Variants in CLEC16A observed in about 807,000 individuals in gnomAD.
The protein encoded by CLEC16A is C-type lectin domain containing 16A, also known as protein CLEC16A.
CLEC16A carries 51 observed loss-of-function variants against 109.5 expected under a neutral mutation model. The ratio of observed to expected loss-of-function variants is 0.47; its 90% CI spans 0.37 to 0.59. The LOEUF (loss-of-function observed/expected upper bound fraction) is 0.59, where lower values mean the gene tolerates loss of function less well. CLEC16A is among the 20% of genes least tolerant of loss of function. The pLI, the probability that CLEC16A is intolerant of heterozygous loss-of-function variation, is 0.00. For synonymous variants in CLEC16A, 673 were observed against 564.2 expected (o/e 1.19, Z -2.73); for missense variants, 1,339 against 1,394.0 (o/e 0.96, Z 0.63).
At chr16:11,113,377 A>G (rs574818037) in intron 19 of CLEC16A, among the ~76,000 whole-genome samples, 194 of 152,320 alleles carry the variant, frequency 1.3e-3, no homozygotes, top group African/African-American at 4.1e-3. Context: ...AAATCAGAGC[A>G]GTGTGTAGAA....
Position 11,178,951 on chromosome 16 carries a change from G to C in CLEC16A, c.*261G>C. 1 of 414,364 alleles carries C rather than the reference G, an allele frequency of 2.4e-6. No individual in the cohort carries two copies. The highest frequency in any genetic ancestry group is 3.8e-5 in the East Asian group (1 of 26,398). 25.7% of individuals were successfully genotyped at this position (414,364 alleles called of 1,614,324 possible). A position where few individuals can be genotyped will look rare whatever the true frequency, so the allele number is the denominator to read the frequency against. On this transcript the variant is annotated 3_prime_UTR_variant, in exon 24 of 24. Coordinates refer to ENST00000409790, the MANE Select transcript of CLEC16A (RefSeq NM_015226.3). The surrounding 1 kb of genome is among the most constrained non-coding windows in gnomAD (Gnocchi z 6.5). The stretch of plus-strand genomic sequence containing the variant: ...TGCAGATGACTGCACCGGCCACTCA[G>C]GGAGCTGCCTGGGCTCCGTGTCTCT...
intron 23 of CLEC16A, among the ~76,000 whole-genome samples, chr16:11,171,408 A>G (rs1016711677): frequency 1.3e-5 from 2 of 152,218 alleles, no homozygotes; most frequent in East Asian, 1.9e-4. Flanking sequence ...GACCCGAGCA[A>G]CTGTGCCCCA....
intron 14 of CLEC16A, chr16:11,041,290 A>G (rs896316016): frequency 6.6e-6 from 1 of 152,190 alleles, no homozygotes; most frequent in East Asian, 1.9e-4. Context: ...TCACAGTGGT[A>G]AGTAAGTAAT....
chr16:11,163,036 A>ATCTCTGGCTTGTCTG (rs2054780406), intron 22 of CLEC16A, among the ~76,000 whole-genome samples: 1 of 152,162 alleles, frequency 6.6e-6, no homozygotes, highest in Admixed American at 6.5e-5. Flanking sequence ...CTGTCGCACG[A>ATCTCTGGCTTGTCTG]TCTCTGGCTT....
chr16:10,977,479 G>A, intron 8 of CLEC16A, 80 bp downstream of exon 8: 2 of 1,259,336 alleles, frequency 1.6e-6, no homozygotes, highest in Non-Finnish European at 2.2e-6. Flanking sequence ...CTGGAATGGG[G>A]CTGAGCATTG....
intron 22 of CLEC16A, among the ~76,000 whole-genome samples, chr16:11,160,334 C>T (rs1001722120): frequency 3.9e-5 from 6 of 152,186 alleles, no homozygotes; most frequent in African/African-American, 7.2e-5. Flanking sequence ...TCTCGGGCCT[C>T]GCTCTTTCTG....
chr16:11,063,876 G>T (rs780185421), intron 19 of CLEC16A, among the ~76,000 whole-genome samples: 13 of 151,768 alleles, frequency 8.6e-5, no homozygotes, highest in Non-Finnish European at 1.3e-4. Context: ...GCAGCCACGT[G>T]TGCCACATCT....
At chr16:10,948,403 A>C (rs996935264) in intron 1 of CLEC16A, among the ~76,000 whole-genome samples, 1 of 152,206 alleles carries the variant, frequency 6.6e-6, no homozygotes, top group African/African-American at 2.4e-5. Flanking sequence ...TTAGTGATTT[A>C]GCTCAGGCAG....
At chr16:11,154,810 C>A (rs551421667) in intron 22 of CLEC16A, among the ~76,000 whole-genome samples, 10 of 152,162 alleles carry the variant, frequency 6.6e-5, no homozygotes, top group African/African-American at 2.4e-4. Flanking sequence ...GCCTATAATC[C>A]CAGCTACTTG....
intron 19 of CLEC16A, among the ~76,000 whole-genome samples, chr16:11,086,986 G>C (rs1016271737): frequency 1.4e-4 from 21 of 152,252 alleles, no homozygotes; most frequent in Non-Finnish European, 2.5e-4. Flanking sequence ...AACCAACCTT[G>C]TGATCACTTA....
intron 19 of CLEC16A, among the ~76,000 whole-genome samples, chr16:11,114,984 G>A (rs1341728042): frequency 1.3e-5 from 2 of 152,206 alleles, no homozygotes; most frequent in Non-Finnish European, 2.9e-5. Flanking sequence ...GGGCTTTGAT[G>A]TCTCAATTAC....
chr16:11,144,006 T>A (rs2053950699), intron 22 of CLEC16A, among the ~76,000 whole-genome samples: 1 of 152,188 alleles, frequency 6.6e-6, no homozygotes, highest in African/African-American at 2.4e-5. Flanking sequence ...CAGAACCCCA[T>A]AATTATCAAG....
At chr16:11,007,724 AC>A (rs2045116895) in intron 11 of CLEC16A, among the ~76,000 whole-genome samples, 1 of 152,028 alleles carries the variant, frequency 6.6e-6, no homozygotes, top group African/African-American at 2.4e-5. Flanking sequence ...TTTCTGTGGG[AC>A]CCGTTTCTCT....
In CLEC16A at chr16:11,126,029, C is replaced by T; in HGVS notation, c.2524C>T (p.Leu842Phe). 1 of 1,613,590 alleles carries T rather than the reference C, an allele frequency of 6.2e-7. No individual in the cohort carries two copies. The highest frequency in any genetic ancestry group is 1.1e-5 in the South Asian group (1 of 91,062). The change falls in exon 22 of 24, where the codon CTC becomes TTC. Residue 842 changes from leucine to phenylalanine, a missense_variant. Coordinates refer to ENST00000409790, the MANE Select transcript of CLEC16A (RefSeq NM_015226.3). ...CACCACTGAAGTCCTGGGGTTTGGACTCGGCTCCTCCACCTCCACTCAGCA... is the reference window on the plus strand; with the variant it reads ...CACCACTGAAGTCCTGGGGTTTGGATTCGGCTCCTCCACCTCCACTCAGCA... ...QPTTEVLGFG[L>F]GSSTSTQHLP...
At chr16:11,108,975 G>C (rs1438995091) in intron 19 of CLEC16A, among the ~76,000 whole-genome samples, 1 of 151,960 alleles carries the variant, frequency 6.6e-6, no homozygotes, top group Non-Finnish European at 1.5e-5. Flanking sequence ...GCCAGGCGTG[G>C]TGGCGGGCGC....
intron 22 of CLEC16A, among the ~76,000 whole-genome samples, chr16:11,165,655 T>C (rs1002567011): frequency 3.3e-5 from 5 of 152,114 alleles, no homozygotes; most frequent in Non-Finnish European, 7.4e-5. Context: ...ACAATAGCTG[T>C]TCAAGTGTCT....
intron 22 of CLEC16A, among the ~76,000 whole-genome samples, chr16:11,145,148 A>G (rs1426768244): frequency 6.6e-6 from 1 of 152,020 alleles, no homozygotes; most frequent in Non-Finnish European, 1.5e-5. Context: ...GCTCCCGATT[A>G]CCTGTCCTGG....
chr16:11,056,920 T>A (rs1317688604), intron 18 of CLEC16A: 1 of 152,242 alleles, frequency 6.6e-6, no homozygotes, highest in Non-Finnish European at 1.5e-5. Flanking sequence ...TGTCACAGTT[T>A]AAATAAGTCT....
chr16:11,082,322 C>T (rs1470802835), intron 19 of CLEC16A, among the ~76,000 whole-genome samples: 1 of 152,210 alleles, frequency 6.6e-6, no homozygotes, highest in Non-Finnish European at 1.5e-5. Context: ...CCTAGGGCTC[C>T]CAGGTGGCTG....
Sources: gnomAD v4.1 joint callset for allele counts (sites outside exome capture counted in the v4.1 genomes callset) on GRCh38, gnomAD v4.1.1 for gene constraint, Gnocchi (gnomAD v3.1) non-coding constraint, MANE v1.5 for transcripts, NCBI Gene and HGNC (gene_info 2026-07-23, HGNC 2026-07-21) for gene names.